ABCC1: variants seen among roughly 807,000 people sequenced by gnomAD.
The protein encoded by ABCC1 is multidrug resistance-associated protein 1.
Under a neutral mutation model 172.9 loss-of-function variants are expected in ABCC1, and 83 were observed. The observed-to-expected ratio is 0.48, with a 90% confidence interval of 0.40 to 0.58. The LOEUF is 0.58. Ranked by LOEUF, ABCC1 falls within the 20% of genes least tolerant of loss-of-function variation. The probability of loss-of-function intolerance (pLI) is 0.00; values close to 1 mark genes in which losing one functional copy is unlikely to be tolerated. For synonymous variants in ABCC1, 937 were observed against 825.2 expected (o/e 1.14, Z -2.32); for missense variants, 1,817 against 2,002.7 (o/e 0.91, Z 1.77).
chr16:15,960,284 A>G (rs1350914245), intron 1 of ABCC1, among the ~76,000 whole-genome samples: 2 of 151,836 alleles, frequency 1.3e-5, no homozygotes, highest in Non-Finnish European at 2.9e-5. Context: ...GGGTTTCACT[A>G]TGTTGCCCAG....
chr16:15,950,720 T>G (rs184025235), intron 1 of ABCC1, among the ~76,000 whole-genome samples: 15 of 152,320 alleles, frequency 9.8e-5, no homozygotes, highest in Admixed American at 9.8e-4. Flanking sequence ...TCTTGATTGT[T>G]GGTGAACGCA....
At chr16:15,995,476 T>G (rs895038602) in intron 1 of ABCC1, among the ~76,000 whole-genome samples, 2 of 151,920 alleles carry the variant, frequency 1.3e-5, no homozygotes, top group African/African-American at 2.4e-5. Context: ...CACTTTCTTC[T>G]TCTTCAAGCC....
chr16:16,090,460 T>G lies in ABCC1; in HGVS notation c.2516T>G (p.Ile839Ser), dbSNP rs375686377. The G allele has an allele frequency of 3.1e-6, 5 of 1,613,736 alleles. No homozygotes were observed. Among genetic ancestry groups the G allele is most frequent in the Non-Finnish European group, 4.2e-6 (5 of 1,179,934 alleles). Reference sequence around the variant, plus strand: ...TACTTGCCGCAGGTGGACGTCATCATCGTCATGAGTGGCGGCAAGATCTCT... The same window carrying G: ...TACTTGCCGCAGGTGGACGTCATCAGCGTCATGAGTGGCGGCAAGATCTCT... ...MSYLPQVDVIIVMSGGKISEM... is the reference protein window; with the variant it reads ...MSYLPQVDVISVMSGGKISEM... The change falls in exon 19 of 31, where the codon ATC (isoleucine) becomes AGC (serine). Residue 839 changes from isoleucine (I) to serine (S), a missense_variant. This residue lies in a region of ABCC1 where 1,412 missense variants were observed against 1,600.3 expected (regional missense o/e 0.88). Transcript: ENST00000399410.
chr16:16,006,171 G>A (rs561141450), intron 1 of ABCC1, among the ~76,000 whole-genome samples: 1 of 152,074 alleles, frequency 6.6e-6, no homozygotes, highest in African/African-American at 2.4e-5. Flanking sequence ...CGATTGAATT[G>A]TGGTGGAGAT....
chr16:16,012,082 G>C (rs2047805891), intron 3 of ABCC1, among the ~76,000 whole-genome samples: 1 of 152,130 alleles, frequency 6.6e-6, no homozygotes, highest in Non-Finnish European at 1.5e-5. Flanking sequence ...GATTATAGGT[G>C]TGAGCCACCA....
intron 26 of ABCC1, among the ~76,000 whole-genome samples, chr16:16,126,812 AAAC>A (rs1473883477): frequency 6.6e-6 from 1 of 152,234 alleles, no homozygotes; most frequent in African/African-American, 2.4e-5. Context: ...AAGCATATTA[AAAC>A]AACAAGAGAA....
At chr16:15,987,536 T>A (rs1240166082) in intron 1 of ABCC1, among the ~76,000 whole-genome samples, 1 of 152,212 alleles carries the variant, frequency 6.6e-6, no homozygotes, top group African/African-American at 2.4e-5. Flanking sequence ...GCAGTATCCC[T>A]GGCCTCTGTC....
chr16:15,962,799 C>G (rs1044677064), intron 1 of ABCC1, among the ~76,000 whole-genome samples: 1 of 152,208 alleles, frequency 6.6e-6, no homozygotes, highest in Non-Finnish European at 1.5e-5. Flanking sequence ...ATTAAGATTA[C>G]AATTCAAGAT....
Position 16,138,419 on chromosome 16 carries a change from A to G in ABCC1, c.4348A>G (p.Ile1450Val). The change falls in exon 30 of 31, where the codon ATC becomes GTC. Residue 1450 changes from isoleucine to valine, a missense_variant. Around this residue, in one of 3 missense-constraint regions of ABCC1, gnomAD observed 1,412 missense variants for 1,600.3 expected, o/e 0.88. Transcript: ENST00000399410. ...LARALLRKTKILVLDEATAAV... is the reference protein window; with the variant it reads ...LARALLRKTKVLVLDEATAAV... ...CCGGGCCCTGCTGAGGAAGACGAAG[A>G]TCCTTGTGTTGGATGAGGCCACGGC... 1.9e-6 allele frequency: 3 copies of G among 1,610,362 alleles called. No homozygotes were observed. Among genetic ancestry groups the G allele is most frequent in the African/African-American group, 1.3e-5 (1 of 74,946 alleles).
chr16:16,051,393 G>GA (rs1202198816), intron 10 of ABCC1, among the ~76,000 whole-genome samples: 3 of 151,866 alleles, frequency 2.0e-5, no homozygotes, highest in African/African-American at 7.3e-5. Context: ...GGCTGGTCTC[G>GA]AACTTCTACC....
At chr16:15,951,294 A>G (rs1401701343) in intron 1 of ABCC1, among the ~76,000 whole-genome samples, 2 of 152,196 alleles carry the variant, frequency 1.3e-5, no homozygotes, top group Non-Finnish European at 2.9e-5. Context: ...GACGTATTTT[A>G]TTGATGGCAA....
At position 16,061,608 on chromosome 16, in the gene ABCC1, G is replaced by A. The variant is rs137987859; in HGVS notation, c.1677+5313G>A. 1.0e-3 allele frequency among the ~76,000 whole-genome samples: 155 copies of A among 152,188 alleles called. 1 individual carries two copies. The highest frequency in any genetic ancestry group is 3.6e-3 in the African/African-American group (150 of 41,536). Reference sequence around the variant, plus strand: ...AGTCACCTTGCTTCCCTCTCTCCATGTTTCTTGTGTGTTTTTCCAGAGTCC... The same window carrying A: ...AGTCACCTTGCTTCCCTCTCTCCATATTTCTTGTGTGTTTTTCCAGAGTCC... On this transcript the variant is annotated intron_variant, in intron 12 of 30. Transcript: ENST00000399410.
At chr16:15,992,689 C>T (rs1386825729) in intron 1 of ABCC1, among the ~76,000 whole-genome samples, 3 of 152,250 alleles carry the variant, frequency 2.0e-5, no homozygotes, top group African/African-American at 7.2e-5. Flanking sequence ...GCGTGAGCCA[C>T]TGTGCCTGGC....
intron 2 of ABCC1, among the ~76,000 whole-genome samples, chr16:16,008,455 T>C (rs2047639022): frequency 6.6e-6 from 1 of 151,962 alleles, no homozygotes; most frequent in African/African-American, 2.4e-5. Context: ...TCCTCCTGCC[T>C]TGGTCTCCCA....
intron 23 of ABCC1, 141 bp from the exon 24 acceptor site, chr16:16,121,834 C>T (rs2045170449): frequency 1.3e-6 from 1 of 763,550 alleles, no homozygotes; most frequent in African/African-American, 1.7e-5. Context: ...TGAGTGGGCA[C>T]CCCTGTGAGG....
chr16:16,138,102 C>G (rs2045985835), intron 29 of ABCC1, among the ~76,000 whole-genome samples: 1 of 152,054 alleles, frequency 6.6e-6, no homozygotes, highest in African/African-American at 2.4e-5. Context: ...AGCTATCCTC[C>G]CACCTCAGCC....
chr16:16,009,858 C>T lies in ABCC1; in HGVS notation c.308C>T (p.Ala103Val). The T allele has an allele frequency of 6.2e-7, 1 of 1,611,332 alleles. No homozygotes were observed. Among genetic ancestry groups the T allele is most frequent in the Non-Finnish European group, 8.5e-7 (1 of 1,178,972 alleles). Residue 103 changes from alanine to valine, a missense_variant, in exon 3 of 31, where the codon GCC (alanine) becomes GTC (valine). Around this residue, in one of 3 missense-constraint regions of ABCC1, gnomAD observed 398 missense variants for 384.2 expected, o/e 1.04. Transcript: ENST00000399410. ...FWERSRGIFL[A>V]PVFLVSPTLL... ...GAAAGAAGTCGGGGCATATTCCTGG[C>T]CCCAGTGTTTCTGGTCAGCCCAACT...
chr16:16,022,779 G>A lies in ABCC1; in HGVS notation c.615+6158G>A, dbSNP rs374154378. On this transcript the variant is annotated intron_variant, in intron 5 of 30. Transcript: ENST00000399410. The stretch of plus-strand genomic sequence containing the variant: ...TGAACATTCTTAAACCTACAGAAAA[G>A]TCGAAAGAATTCTACTGTGAGCAGT... Among the ~76,000 whole-genome samples the A allele has an allele frequency of 1.3e-4, 20 of 152,290 alleles. No homozygotes were observed. In the East Asian group the frequency reaches 2.3e-3, roughly 18 times the overall value.
At position 16,074,067 on chromosome 16, in the gene ABCC1, C is replaced by G. The variant is rs868625045; in HGVS notation, c.1913-2259C>G. ...AGCGAGATGGTCTCAGCATCTTCAG[C>G]TCAGCCCCCTGGTGTGGGGTTTTTT... On this transcript the variant is annotated intron_variant, in intron 14 of 30. Coordinates refer to ENST00000399410, the MANE Select transcript of ABCC1 (RefSeq NM_004996.4). Among the ~76,000 whole-genome samples the G allele has an allele frequency of 6.6e-5, 10 of 152,170 alleles. No individual in the cohort carries two copies. In the South Asian group the frequency reaches 1.2e-3, roughly 19 times the overall value.
Sources: gnomAD v4.1 joint callset for allele counts (sites outside exome capture counted in the v4.1 genomes callset) on GRCh38, gnomAD v4.1.1 for gene constraint, gnomAD v4.1.1 regional missense constraint, MANE v1.5 for transcripts, NCBI Gene and HGNC (gene_info 2026-07-23, HGNC 2026-07-21) for gene names.